PIK3C2G: variants seen among roughly 807,000 people sequenced by gnomAD.
PIK3C2G encodes the protein phosphatidylinositol-4-phosphate 3-kinase catalytic subunit type 2 gamma, also known as phosphatidylinositol 3-kinase C2 domain-containing subunit gamma.
A neutral mutation model predicts 181.1 loss-of-function variants in PIK3C2G; 168 were observed. The observed-to-expected ratio is 0.93, with a 90% CI of 0.82 to 1.05. The LOEUF is 1.05. PIK3C2G is among the 50% of genes least tolerant of loss of function. The probability of loss-of-function intolerance (pLI) is 0.00; values close to 1 mark genes in which losing one functional copy is unlikely to be tolerated. For missense variants in PIK3C2G, 1,869 were observed against 1,732.8 expected (o/e 1.08, Z -1.40); for synonymous variants, 573 against 592.2 (o/e 0.97, Z 0.47).
rs570723808 is a variant in PIK3C2G, at chr12:18,307,713, T to C, written c.1035-6249T>C. Among the ~76,000 whole-genome samples, 21 of 152,004 alleles carry C rather than the reference T, an allele frequency of 1.4e-4. No individual in the cohort carries two copies. The East Asian group carries it at 3.9e-3, about 28-fold the overall frequency. On this transcript the variant is annotated intron_variant, in intron 5 of 32. Coordinates refer to ENST00000538779, the MANE Select transcript of PIK3C2G (RefSeq NM_001288772.2). ...TCTCAAATAAAAATTCATTTTTTAC[T>C]GCACTTACTTATTAAATTCCCACCC...
At chr12:18,570,643 C>G (rs561262624) in intron 29 of PIK3C2G, among the ~76,000 whole-genome samples, 1 of 150,228 alleles carries the variant, frequency 6.7e-6, no homozygotes, top group Non-Finnish European at 1.5e-5. Flanking sequence ...ACAGGGAGTT[C>G]TAATTAGAGG....
intron 11 of PIK3C2G, among the ~76,000 whole-genome samples, chr12:18,349,703 A>C (rs914315815): frequency 4.6e-5 from 7 of 152,200 alleles, no homozygotes; most frequent in Admixed American, 1.3e-4. Flanking sequence ...CTCAAAGATG[A>C]GATAAATTTA....
intron 20 of PIK3C2G, 23 bp downstream of exon 20, chr12:18,491,581 T>G: frequency 3.9e-6 from 5 of 1,266,856 alleles, no homozygotes; most frequent in Non-Finnish European, 5.7e-6. Context: ...ATTCCTCAGA[T>G]TAATGGAATA....
chr12:18,296,768 CCTGT>C (rs1460641554), intron 5 of PIK3C2G, among the ~76,000 whole-genome samples: 1 of 151,744 alleles, frequency 6.6e-6, no homozygotes, highest in African/African-American at 2.4e-5. Flanking sequence ...TCTCACTCTC[CCTGT>C]CTGATTTTAA....
chr12:18,566,773 A>G (rs1171908053), intron 28 of PIK3C2G, among the ~76,000 whole-genome samples, 176 bp from the exon 29 acceptor site: 1 of 152,186 alleles, frequency 6.6e-6, no homozygotes, highest in Non-Finnish European at 1.5e-5. Context: ...TTAATATGGC[A>G]TGAATGACCA....
chr12:18,577,057 G>A (rs1388286493), intron 29 of PIK3C2G, among the ~76,000 whole-genome samples: 2 of 152,204 alleles, frequency 1.3e-5, no homozygotes, highest in Non-Finnish European at 2.9e-5. Context: ...AAAGGCATCT[G>A]ATTTCTGGGA....
At chr12:18,538,648 A>G (rs1457839618) in intron 25 of PIK3C2G, among the ~76,000 whole-genome samples, 1 of 151,934 alleles carries the variant, frequency 6.6e-6, no homozygotes, top group Non-Finnish European at 1.5e-5. Context: ...AATGCCTTAT[A>G]TATACTATCT....
chr12:18,683,285 C>A, the PIK3C2G span: 18 of 1,612,618 alleles, frequency 1.1e-5, no homozygotes, highest in Non-Finnish European at 1.5e-5. Context: ...AGGCTCAAGG[C>A]TCTCACCCAT....
In PIK3C2G at chr12:18,562,744, A is replaced by G. The variant is rs772752011; in HGVS notation, c.3632A>G (p.Asn1211Ser). 5.5e-5 allele frequency: 88 copies of G among 1,606,424 alleles called. 2 individuals carry two copies. In the South Asian group the frequency reaches 7.1e-4, roughly 13 times the overall value. ...ESLECFPVKLNNLIHTLAQMS... is the reference protein window; with the variant it reads ...ESLECFPVKLSNLIHTLAQMS... ...CTGGAGTGTTTCCCTGTTAAATTGA[A>G]TAACTTGATCCACACACTTGCACAA... Residue 1211 changes from asparagine (N) to serine (S), a missense_variant, in exon 27 of 33, where the codon AAT becomes AGT. Asn to Ser is a conservative substitution (Grantham distance 46, BLOSUM62 1). Coordinates refer to ENST00000538779, the MANE Select transcript of PIK3C2G (RefSeq NM_001288772.2).
intron 31 of PIK3C2G, among the ~76,000 whole-genome samples, chr12:18,614,411 A>G (rs1948497035): frequency 6.6e-6 from 1 of 152,110 alleles, no homozygotes; most frequent in African/African-American, 2.4e-5. Flanking sequence ...CCTCTTTCTA[A>G]CAGCTAACAA....
At chr12:18,294,893 C>T (rs1370068272) in intron 5 of PIK3C2G, among the ~76,000 whole-genome samples, 2 of 151,720 alleles carry the variant, frequency 1.3e-5, no homozygotes, top group Non-Finnish European at 2.9e-5. Flanking sequence ...CATTATTATT[C>T]CATCATGAAT....
At chr12:18,323,501 T>G (rs958125705) in intron 7 of PIK3C2G, among the ~76,000 whole-genome samples, 1 of 152,218 alleles carries the variant, frequency 6.6e-6, no homozygotes, top group Non-Finnish European at 1.5e-5. Context: ...CCTTCACCCC[T>G]TATTTTTCTC....
At chr12:18,633,011 T>C (rs1030706410) in intron 31 of PIK3C2G, among the ~76,000 whole-genome samples, 1 of 152,202 alleles carries the variant, frequency 6.6e-6, no homozygotes, top group African/African-American at 2.4e-5. Flanking sequence ...TTGCCACTCA[T>C]ATATATCTCC....
chr12:18,689,258 G>A, the PIK3C2G span, among the ~76,000 whole-genome samples: 7 of 151,838 alleles, frequency 4.6e-5, no homozygotes, highest in African/African-American at 1.2e-4. Context: ...GGTTCAGCTC[G>A]GTGTACCTCA....
intron 6 of PIK3C2G, among the ~76,000 whole-genome samples, chr12:18,317,708 C>A (rs966828985): frequency 2.6e-5 from 4 of 152,096 alleles, no homozygotes; most frequent in South Asian, 2.1e-4. Context: ...TAGCTCTGAT[C>A]GTTAGAAACG....
At chr12:18,636,609 A>C (rs1949616284) in intron 31 of PIK3C2G, among the ~76,000 whole-genome samples, 1 of 152,132 alleles carries the variant, frequency 6.6e-6, no homozygotes, top group Non-Finnish European at 1.5e-5. Context: ...GAGATGTGTT[A>C]ATTTGTGTAA....
intron 31 of PIK3C2G, among the ~76,000 whole-genome samples, chr12:18,640,157 C>CA (rs1349686066): frequency 6.6e-6 from 1 of 151,586 alleles, no homozygotes; most frequent in African/African-American, 2.4e-5. Flanking sequence ...GATTTTACAG[C>CA]AAAAAATTAA....
At chr12:18,265,197 T>C (rs538800711) in intron 1 of PIK3C2G, among the ~76,000 whole-genome samples, 4 of 152,328 alleles carry the variant, frequency 2.6e-5, no homozygotes, top group African/African-American at 9.6e-5. Flanking sequence ...CCACTTGGGC[T>C]CTGGTTAAAT....
chr12:18,647,640 T>C (rs973266433), intron 32 of PIK3C2G, among the ~76,000 whole-genome samples: 1 of 151,646 alleles, frequency 6.6e-6, no homozygotes, highest in East Asian at 1.9e-4. Flanking sequence ...TAATTCTTAG[T>C]GGAATCAGTA....
Sources: gnomAD v4.1 joint callset for allele counts (sites outside exome capture counted in the v4.1 genomes callset) on GRCh38, gnomAD v4.1.1 for gene constraint, MANE v1.5 for transcripts, NCBI Gene and HGNC (gene_info 2026-07-23, HGNC 2026-07-21) for gene names.